The following NLGN4X variants were observed in gnomAD, a reference collection of about 807,000 sequenced individuals.
NLGN4X encodes the protein neuroligin-4, X-linked.
Under a neutral mutation model 40.3 loss-of-function variants are expected in NLGN4X, and 3 were observed. The observed-to-expected ratio is 0.07, with a 90% CI of 0.03 to 0.19. The LOEUF is 0.19. Among genes scored for constraint, NLGN4X ranks in the 10% least tolerant of loss-of-function variants. The pLI is 1.00. For missense variants in NLGN4X, 382 were observed against 708.3 expected (o/e 0.54, Z 5.23); for synonymous variants, 270 against 306.8 (o/e 0.88, Z 1.25).
chrX:6,180,492 A>G, intron 1 of NLGN4X, among the ~76,000 whole-genome samples: 1 of 111,777 alleles, frequency 8.9e-6, no homozygotes, highest in South Asian at 3.8e-4. Flanking sequence ...AGGACTCTCC[A>G]GAAGCAAAAA....
chrX:5,921,150 T>C (rs907463169), intron 3 of NLGN4X, among the ~76,000 whole-genome samples: 3 of 59,913 alleles, frequency 5.0e-5, no homozygotes, highest in South Asian at 6.1e-4. Flanking sequence ...TATATATACA[T>C]ATATATATAT....
At chrX:6,208,315 A>G (rs1332559432) in intron 1 of NLGN4X, among the ~76,000 whole-genome samples, 1 of 112,413 alleles carries the variant, frequency 8.9e-6, no homozygotes, top group Non-Finnish European at 1.9e-5. Context: ...GATACTTATC[A>G]AGGATTTTCT....
intron 3 of NLGN4X, among the ~76,000 whole-genome samples, chrX:6,021,047 TCCCTCCCTCC>T (rs1452076216): frequency 2.5e-4 from 6 of 24,189 alleles, no homozygotes; most frequent in African/African-American, 7.7e-4. Context: ...TCTCTCTCTC[TCCCTCCCTCC>T]CTCCCTCCCT....
chrX:5,927,791 C>T (rs2033390520), intron 3 of NLGN4X, among the ~76,000 whole-genome samples: 1 of 112,272 alleles, frequency 8.9e-6, no homozygotes. Context: ...ATGTCTTATT[C>T]GAGCCTAAAG....
chrX:6,012,763 G>C (rs939934384), intron 3 of NLGN4X, among the ~76,000 whole-genome samples: 1 of 111,319 alleles, frequency 9.0e-6, no homozygotes, highest in Admixed American at 9.6e-5. Flanking sequence ...GGAAGATAGA[G>C]ACAAACACCG....
At chrX:6,174,738 G>A (rs150986938) in intron 1 of NLGN4X, among the ~76,000 whole-genome samples, 1 of 111,541 alleles carries the variant, frequency 9.0e-6, no homozygotes, top group Non-Finnish European at 1.9e-5. Flanking sequence ...GTGGGAGCTT[G>A]AGAAAACACG....
intron 2 of NLGN4X, among the ~76,000 whole-genome samples, chrX:6,105,930 T>A (rs950937184): frequency 7.2e-5 from 8 of 111,780 alleles, no homozygotes; most frequent in Non-Finnish European, 1.9e-5. Flanking sequence ...ACCACCAACA[T>A]TATCAATGAG....
Position 6,151,611 on chromosome X carries a change from C to T in NLGN4X, c.-145G>A. 1 of 523,683 alleles carries T rather than the reference C, an allele frequency of 1.9e-6. No homozygotes were observed. Among genetic ancestry groups the T allele is most frequent in the Non-Finnish European group, 3.3e-6 (1 of 304,337 alleles). The allele number at this position is 523,683 out of a possible 1,213,427, so 43.2% of individuals were successfully genotyped here. ...CTCTCAGACTGATCACAGACAGAGC[C>T]TGAGGTTAAGAACAAGCACAGCCGT... On this transcript the variant is annotated 5_prime_UTR_variant, in exon 2 of 6. Transcript: ENST00000381095.
intron 2 of NLGN4X, among the ~76,000 whole-genome samples, chrX:6,121,612 T>G: frequency 8.9e-6 from 1 of 112,582 alleles, no homozygotes; most frequent in East Asian, 2.8e-4. Flanking sequence ...AAATGCCTCC[T>G]TTATTCTTAC....
At chrX:5,906,367 A>C (rs2032177390) in intron 4 of NLGN4X, among the ~76,000 whole-genome samples, 1 of 112,016 alleles carries the variant, frequency 8.9e-6, no homozygotes, top group Non-Finnish European at 1.9e-5. Context: ...CAAGGAATTC[A>C]GAGTTTGGAG....
intron 3 of NLGN4X, among the ~76,000 whole-genome samples, chrX:5,936,672 C>A (rs1423266401): frequency 8.9e-6 from 1 of 112,036 alleles, no homozygotes; most frequent in African/African-American, 3.2e-5. Flanking sequence ...TCAAATTGCA[C>A]GCACAGCTAA....
chrX:6,226,191 G>C (rs1926293430), intron 1 of NLGN4X, among the ~76,000 whole-genome samples: 1 of 108,635 alleles, frequency 9.2e-6, no homozygotes. Context: ...AACCTCCTAG[G>C]ACCCCTTCAC....
At chrX:6,182,429 C>T (rs1473226299) in intron 1 of NLGN4X, among the ~76,000 whole-genome samples, 1 of 111,184 alleles carries the variant, frequency 9.0e-6, no homozygotes, top group East Asian at 2.9e-4. Flanking sequence ...GGAAAGGTAT[C>T]AAGAGGGAGA....
chrX:6,048,117 T>A (rs2037375201), intron 2 of NLGN4X, among the ~76,000 whole-genome samples: 1 of 111,512 alleles, frequency 9.0e-6, no homozygotes, highest in African/African-American at 3.3e-5. Flanking sequence ...TTGTTTGCGA[T>A]CCACTCTGTG....
chrX:5,991,576 A>T (rs9698586), intron 3 of NLGN4X: 12,308 of 486,758 alleles, frequency 0.025, 1,022 homozygotes, highest in African/African-American at 0.25. Flanking sequence ...TTGCCTAGAA[A>T]ATCCACGAGG....
intron 3 of NLGN4X, among the ~76,000 whole-genome samples, chrX:5,954,695 T>C (rs1022569359): frequency 9.2e-6 from 1 of 109,227 alleles, no homozygotes; most frequent in Non-Finnish European, 1.9e-5. Context: ...TCTCAGATGG[T>C]CAACTGGGAG....
At chrX:5,933,663 G>C (rs2033635251) in intron 3 of NLGN4X, among the ~76,000 whole-genome samples, 1 of 111,584 alleles carries the variant, frequency 9.0e-6, no homozygotes, top group South Asian at 3.7e-4. Flanking sequence ...ATGACAGGTA[G>C]AAACTTATGT....
intron 3 of NLGN4X, among the ~76,000 whole-genome samples, chrX:6,026,598 T>C (rs1288082835): frequency 8.9e-6 from 1 of 111,795 alleles, no homozygotes; most frequent in Non-Finnish European, 1.9e-5. Flanking sequence ...TTTTAAAGTC[T>C]CTATCGTCCT....
chrX:6,105,313 G>A (rs998963268), intron 2 of NLGN4X, among the ~76,000 whole-genome samples: 1 of 111,237 alleles, frequency 9.0e-6, no homozygotes, highest in African/African-American at 3.3e-5. Flanking sequence ...CACCTGCCTT[G>A]GCCTATCTCC....
Sources: allele counts gnomAD v4.1 joint callset (sites outside exome capture counted in the v4.1 genomes callset), GRCh38; gene constraint gnomAD v4.1.1; transcripts MANE v1.5; gene names NCBI Gene and HGNC (gene_info 2026-07-23, HGNC 2026-07-21).